Variants in GSG1L observed in about 807,000 individuals in gnomAD.
GSG1L encodes GSG1 like.
GSG1L carries 24 observed loss-of-function variants against 42.1 expected under a neutral mutation model. That is an observed-to-expected ratio of 0.57 (90% CI 0.41 to 0.80). The LOEUF (loss-of-function observed/expected upper bound fraction) is 0.80. GSG1L is among the 30% of genes least tolerant of loss of function. The pLI is 0.00. For synonymous variants in GSG1L, 215 were observed against 203.5 expected (o/e 1.06, Z -0.48); for missense variants, 445 against 472.2 (o/e 0.94, Z 0.53).
Position 27,919,131 on chromosome 16 carries a change from C to T in GSG1L, c.398-34493G>A, listed in dbSNP as rs137878366. On this transcript the variant is annotated intron_variant, in intron 2 of 6. Transcript: ENST00000447459. ...CAGGCCCAGAGATGAGTGCAACTTG[C>T]GCATATCACAAAGGCAGAGCCTAGG... 1.4e-4 allele frequency among the ~76,000 whole-genome samples: 22 copies of T among 152,308 alleles called. No homozygotes were observed. The East Asian group carries it at 1.5e-3, about 11-fold the overall frequency.
chr16:27,893,059 T>A (rs770834207), intron 2 of GSG1L, among the ~76,000 whole-genome samples: 2 of 151,982 alleles, frequency 1.3e-5, no homozygotes, highest in East Asian at 1.9e-4. Context: ...AAAGCCTCCA[T>A]AATGGTGGGG....
chr16:28,038,567 G>A (rs1185186728), intron 1 of GSG1L, among the ~76,000 whole-genome samples: 2 of 152,064 alleles, frequency 1.3e-5, no homozygotes, highest in Non-Finnish European at 1.5e-5. Context: ...TGTGGAATTG[G>A]TACTACGGGC....
intron 3 of GSG1L, among the ~76,000 whole-genome samples, chr16:27,876,290 A>C (rs574022492): frequency 1.3e-5 from 2 of 152,268 alleles, no homozygotes; most frequent in East Asian, 3.9e-4. Flanking sequence ...ACTTGTCCTA[A>C]GATAATTTGT....
rs1033412300 is a variant in GSG1L at position 27,789,344 on chromosome 16, G to A, written c.*2026C>T. ...AGGGATGAATGGATGTGTGGATGAC[G>A]GATAATGGATGGATGGATGGTTGAT... On this transcript the variant is annotated 3_prime_UTR_variant, in exon 7 of 7. Coordinates refer to ENST00000447459, the MANE Select transcript of GSG1L (RefSeq NM_001109763.2). 1.3e-5 allele frequency: 2 copies of A among 152,028 alleles called. No individual in the cohort carries two copies. The highest frequency in any genetic ancestry group is 2.9e-5 in the Non-Finnish European group (2 of 67,988). The allele number at this position is 152,028 out of a possible 1,614,324, so 9.4% of individuals were successfully genotyped here.
chr16:28,010,025 C>A (rs1020756338), intron 1 of GSG1L, among the ~76,000 whole-genome samples: 1 of 152,142 alleles, frequency 6.6e-6, no homozygotes, highest in African/African-American at 2.4e-5. Flanking sequence ...CACACGCTTG[C>A]AAGGTTGTAT....
intron 3 of GSG1L, chr16:27,863,482 T>G (rs748003035): frequency 6.6e-6 from 1 of 152,250 alleles, no homozygotes; most frequent in Non-Finnish European, 1.5e-5. Flanking sequence ...AAAGTGTGCC[T>G]CTTGTATGGT....
At chr16:27,795,896 C>T (rs932226142) in intron 6 of GSG1L, among the ~76,000 whole-genome samples, 13 of 152,262 alleles carry the variant, frequency 8.5e-5, no homozygotes, top group Middle Eastern at 3.4e-3. Context: ...CACCAAGATC[C>T]GGGAATCAGA....
At chr16:27,943,868 C>T (rs1437726282) in intron 2 of GSG1L, among the ~76,000 whole-genome samples, 2 of 152,064 alleles carry the variant, frequency 1.3e-5, no homozygotes, top group African/African-American at 4.8e-5. Flanking sequence ...AGCCACCATG[C>T]CCAGCCAGCT....
At chr16:27,833,226 T>A (rs1334108161) in intron 4 of GSG1L, among the ~76,000 whole-genome samples, 4 of 152,154 alleles carry the variant, frequency 2.6e-5, no homozygotes, top group Non-Finnish European at 4.4e-5. Flanking sequence ...ATTCCCTGCC[T>A]GCCCCACCCC....
intron 2 of GSG1L, among the ~76,000 whole-genome samples, chr16:27,945,538 A>G (rs2084851387): frequency 6.6e-6 from 1 of 152,196 alleles, no homozygotes; most frequent in South Asian, 2.1e-4. Context: ...GAGATTCTGC[A>G]GACAAGCAGG....
chr16:27,826,555 G>A (rs966173406), intron 5 of GSG1L, among the ~76,000 whole-genome samples: 14 of 152,172 alleles, frequency 9.2e-5, no homozygotes, highest in Middle Eastern at 3.2e-3. Flanking sequence ...ACTATGGGTA[G>A]GGAAGAAGGG....
At chr16:27,977,775 C>T (rs1474119711) in intron 1 of GSG1L, among the ~76,000 whole-genome samples, 2 of 152,172 alleles carry the variant, frequency 1.3e-5, no homozygotes, top group African/African-American at 4.8e-5. Flanking sequence ...GTCACCTCTA[C>T]ACCCCACTGT....
intron 1 of GSG1L, among the ~76,000 whole-genome samples, chr16:27,978,069 A>G (rs1437194693): frequency 6.6e-6 from 1 of 152,214 alleles, no homozygotes; most frequent in African/African-American, 2.4e-5. Flanking sequence ...CCCTCAGTGC[A>G]GCAGCTTGAG....
rs79819678 is a variant in GSG1L at position 28,039,456 on chromosome 16, G to A, written c.349+23620C>T. ...ACAGGATTGGCCCCCCACCCCCACA[G>A]CAAAGAATGATCTGGTACCAAATGT... On this transcript the variant is annotated intron_variant, in intron 1 of 6. Transcript: ENST00000447459. Among the ~76,000 whole-genome samples, 1,022 of 152,190 alleles carry A rather than the reference G, an allele frequency of 6.7e-3. 8 individuals carry two copies. The highest frequency in any genetic ancestry group is 0.021 in the African/African-American group (857 of 41,534).
chr16:27,791,438 G>A lies in GSG1L; in HGVS notation c.928C>T (p.Pro310Ser). The A allele has an allele frequency of 6.6e-7, 1 of 1,517,124 alleles. No homozygotes were observed. The highest frequency in any genetic ancestry group is 1.3e-5 in the South Asian group (1 of 77,904). 94.0% of individuals were successfully genotyped at this position (1,517,124 alleles called of 1,614,324 possible). A position where few individuals can be genotyped will look rare whatever the true frequency, so the allele number is the denominator to read the frequency against. ...GGTGCTTCCTGTGCGGAGCTCCGGGGCCAGGAATCCGCCATGTGTGGCTGG... is the reference window on the plus strand; with the variant it reads ...GGTGCTTCCTGTGCGGAGCTCCGGGACCAGGAATCCGCCATGTGTGGCTGG... ...RHQPHMADSW[P>S]RSSAQEAPEL... Residue 310 changes from proline to serine, a missense_variant, in exon 7 of 7, where the codon CCC becomes TCC. Physicochemically the swap from Pro to Ser is moderately conservative, Grantham distance 74 (BLOSUM62 -1). This residue lies in a region of GSG1L where 140 missense variants were observed against 120.6 expected (regional missense o/e 1.16). Transcript: ENST00000447459.
At chr16:27,854,660 T>C (rs1358598801) in intron 3 of GSG1L, among the ~76,000 whole-genome samples, 1 of 152,122 alleles carries the variant, frequency 6.6e-6, no homozygotes, top group Non-Finnish European at 1.5e-5. Context: ...CTGTGTCACC[T>C]GTATTTCCTG....
intron 2 of GSG1L, among the ~76,000 whole-genome samples, chr16:27,946,248 G>A (rs561503144): frequency 1.3e-5 from 2 of 152,186 alleles, no homozygotes; most frequent in South Asian, 2.1e-4. Flanking sequence ...AAGAGCTGTC[G>A]AAAGAACTAA....
At chr16:27,875,988 T>C in intron 3 of GSG1L, among the ~76,000 whole-genome samples, 1 of 152,202 alleles carries the variant, frequency 6.6e-6, no homozygotes, top group East Asian at 1.9e-4. Context: ...CCCTCCACTT[T>C]TCAATTACTG....
rs1567542786 is a variant in GSG1L at position 27,979,665 on chromosome 16, G to GAAAGAAAGAAAGAAAGAAAGAA, written c.350-16463_350-16462insTTCTTTCTTTCTTTCTTTCTTT. Among the ~76,000 whole-genome samples the GAAAGAAAGAAAGAAAGAAAGAA allele has an allele frequency of 5.9e-4, 22 of 37,496 alleles. 1 individual carries two copies. The highest frequency in any genetic ancestry group is 8.4e-4 in the African/African-American group (8 of 9,542). The allele number at this position is 37,496 out of a possible 152,430, so 24.6% of individuals were successfully genotyped here. A position where few individuals can be genotyped will look rare whatever the true frequency, so the allele number is the denominator to read the frequency against. ...GGGGAAAGAAAGAAAGAAAGAAAGA[G>GAAAGAAAGAAAGAAAGAAAGAA]AGAGAGAGAGAGAGAAAGAAAGAAG... On this transcript the variant is annotated intron_variant, in intron 1 of 6. Transcript: ENST00000447459.
Sources: gnomAD v4.1 joint callset for allele counts (sites outside exome capture counted in the v4.1 genomes callset) on GRCh38, gnomAD v4.1.1 for gene constraint, gnomAD v4.1.1 regional missense constraint, MANE v1.5 for transcripts, NCBI Gene and HGNC (gene_info 2026-07-23, HGNC 2026-07-21) for gene names.